SORL1: variants seen among roughly 807,000 people sequenced by gnomAD.
The protein encoded by SORL1 is sortilin-related receptor.
SORL1 carries 127 observed loss-of-function variants against 273.7 expected under a neutral mutation model. The ratio of observed to expected loss-of-function variants is 0.46; its 90% CI spans 0.40 to 0.54. SORL1 has a LOEUF of 0.54. Ranked by LOEUF, SORL1 falls within the 20% of genes least tolerant of loss-of-function variation. The pLI is 0.00. For synonymous variants in SORL1, 1,031 were observed against 1,067.4 expected, an observed-to-expected ratio of 0.97 and a Z score of 0.66; for missense variants, 2,494 against 2,846.1, an observed-to-expected ratio of 0.88 and a Z score of 2.81.
chr11:121,545,754 C>T (rs1227269446), intron 14 of SORL1, among the ~76,000 whole-genome samples: 2 of 152,096 alleles, frequency 1.3e-5, no homozygotes, highest in Non-Finnish European at 2.9e-5. Context: ...TAATCCTTCT[C>T]CTTAGGACCC....
At chr11:121,612,575 A>C (rs997160689) in intron 39 of SORL1, 161 bp from the exon 40 acceptor site, 1 of 543,790 alleles carries the variant, frequency 1.8e-6, no homozygotes, top group African/African-American at 1.9e-5. Context: ...ATGGTAGCAC[A>C]AGTAGAACCT....
chr11:121,625,058 T>C, intron 45 of SORL1, 27 bp from the exon 46 acceptor site: 1 of 1,548,556 alleles, frequency 6.5e-7, no homozygotes, highest in Non-Finnish European at 8.9e-7. Flanking sequence ...TTCGACTTCC[T>C]GAGCAATCTC....
At position 121,605,489 on chromosome 11, in the gene SORL1, G is replaced by C. The variant is rs183510875; in HGVS notation, c.4866G>C (p.Thr1622=). 9.9e-6 allele frequency: 16 copies of C among 1,614,084 alleles called. No homozygotes were observed. The East Asian group carries it at 3.3e-4, about 34-fold the overall frequency. The stretch of plus-strand genomic sequence containing the variant: ...TAAAAGTCTTGAAACCAGATACCAC[G>C]TATCAGGTTAAAGTACAGGTTCAGT... ...TVLKVLKPDT[T]YQVKVQVQCL... Residue 1622 remains threonine, a synonymous_variant, in exon 35 of 48, where the codon ACG becomes ACC. Transcript: ENST00000260197.
chr11:121,613,876 T>C (rs762637049), intron 40 of SORL1, among the ~76,000 whole-genome samples: 2 of 152,236 alleles, frequency 1.3e-5, no homozygotes. Flanking sequence ...TGAAATCTAT[T>C]AGGGCTAGTG....
At chr11:121,469,766 C>T (rs190147166) in intron 1 of SORL1, among the ~76,000 whole-genome samples, 103 of 152,254 alleles carry the variant, frequency 6.8e-4, no homozygotes, top group African/African-American at 2.4e-3. Flanking sequence ...CAATGAGAGC[C>T]CAAGAAGCTT....
chr11:121,620,498 C>T (rs1319517310), intron 43 of SORL1, among the ~76,000 whole-genome samples: 1 of 152,208 alleles, frequency 6.6e-6, no homozygotes, highest in African/African-American at 2.4e-5. Context: ...TCTCCACTCC[C>T]CTTCATCCAG....
At chr11:121,512,803 C>A (rs914154843) in intron 6 of SORL1, among the ~76,000 whole-genome samples, 200 bp from the exon 7 acceptor site, 3 of 152,186 alleles carry the variant, frequency 2.0e-5, no homozygotes, top group Non-Finnish European at 4.4e-5. Context: ...CTGTTGCAAA[C>A]CGGGTATCTA....
intron 30 of SORL1, 109 bp downstream of exon 30, chr11:121,590,283 T>G: frequency 8.3e-7 from 1 of 1,199,936 alleles, no homozygotes; most frequent in Non-Finnish European, 1.2e-6. Context: ...GGGGGCATAT[T>G]TTTGTGAGAG....
rs192494036 is a variant in SORL1 at position 121,521,482 on chromosome 11, C to G, written c.1404+633C>G. ...AATTAATGGTATCATTCAAATTCAG[C>G]TTTCTGTTTCCCTGACTAATCAGTT... On this transcript the variant is annotated intron_variant, in intron 9 of 47. Coordinates refer to ENST00000260197, the MANE Select transcript of SORL1 (RefSeq NM_003105.6). Among the ~76,000 whole-genome samples the G allele has an allele frequency of 3.6e-4, 55 of 152,284 alleles. 3 individuals carry two copies. In the East Asian group the frequency reaches 7.5e-3, roughly 21 times the overall value.
chr11:121,607,375 C>T, intron 37 of SORL1, 85 bp downstream of exon 37: 1 of 731,958 alleles, frequency 1.4e-6, no homozygotes, highest in South Asian at 1.6e-5. Context: ...TCTCTACTCA[C>T]CTTTGTGAGA....
At chr11:121,579,089 C>G (rs575079005) in intron 25 of SORL1, among the ~76,000 whole-genome samples, 2 of 152,244 alleles carry the variant, frequency 1.3e-5, no homozygotes, top group Admixed American at 1.3e-4. Context: ...ATTTCAGCAG[C>G]ATGTGCCGGT....
chr11:121,525,744 T>C (rs990858155), intron 11 of SORL1, among the ~76,000 whole-genome samples: 2 of 152,228 alleles, frequency 1.3e-5, no homozygotes, highest in Non-Finnish European at 2.9e-5. Flanking sequence ...CCCAAATCTT[T>C]TGCCTTTTTG....
At chr11:121,620,443 A>T (rs972901295) in intron 43 of SORL1, among the ~76,000 whole-genome samples, 1 of 152,074 alleles carries the variant, frequency 6.6e-6, no homozygotes, top group African/African-American at 2.4e-5. Context: ...AAACAAAAAA[A>T]CTGCCATTTT....
intron 30 of SORL1, 91 bp downstream of exon 30, chr11:121,590,265 G>T: frequency 1.5e-6 from 2 of 1,333,722 alleles, no homozygotes; most frequent in African/African-American, 3.0e-5. Flanking sequence ...GGCTGATTCC[G>T]TGTTTTGGGG....
rs368163179 is a variant in SORL1, at chr11:121,621,216, T to C, written c.6042T>C (p.Asp2014=). ...IIVQLGNMSK[D]SSIKITTVSL... ...TCCAACTGGGGAACATGAGCAAAGA[T>C]TCCAGCATAAAAATTACCACAGGTA... The change falls in exon 44 of 48, where the codon GAT becomes GAC. Residue 2014 remains aspartate (D), a synonymous_variant. Coordinates refer to ENST00000260197, the MANE Select transcript of SORL1 (RefSeq NM_003105.6). 3.7e-6 allele frequency: 6 copies of C among 1,613,952 alleles called. No individual in the cohort carries two copies. The highest frequency in any genetic ancestry group is 4.2e-6 in the Non-Finnish European group (5 of 1,179,968).
Position 121,522,697 on chromosome 11 carries a change from G to C in SORL1, c.1516G>C (p.Ala506Pro). The C allele has an allele frequency of 6.2e-7, 1 of 1,611,456 alleles. No homozygotes were observed. The highest frequency in any genetic ancestry group is 8.5e-7 in the Non-Finnish European group (1 of 1,177,588). Reference protein sequence around the residue: ...SKESAPGLIIATGSVGKNLAS... With the variant: ...SKESAPGLIIPTGSVGKNLAS... ...GGAGTCGGCTCCAGGCCTCATCATCGCCACTGGTAAGTGTGCTTGCCTGTT... is the reference window on the plus strand; with the variant it reads ...GGAGTCGGCTCCAGGCCTCATCATCCCCACTGGTAAGTGTGCTTGCCTGTT... The change falls in exon 10 of 48, where the codon GCC becomes CCC. Residue 506 changes from alanine (A) to proline (P), a missense_variant. Physicochemically the swap from Ala to Pro is conservative, Grantham distance 27. Coordinates refer to ENST00000260197, the MANE Select transcript of SORL1 (RefSeq NM_003105.6).
At chr11:121,590,825 G>C (rs1380844488) in intron 30 of SORL1, 176 bp from the exon 31 acceptor site, 2 of 783,800 alleles carry the variant, frequency 2.6e-6, no homozygotes, top group South Asian at 2.7e-5. Context: ...TGCCTCTTCT[G>C]ACAACCCATT....
intron 12 of SORL1, 72 bp downstream of exon 12, chr11:121,532,624 A>C: frequency 4.7e-6 from 6 of 1,272,114 alleles, no homozygotes; most frequent in Non-Finnish European, 6.8e-6. Context: ...TTATAATTGG[A>C]TTATCTCTCT....
At chr11:121,577,245 T>C (rs1197815120) in intron 24 of SORL1, 36 bp from the exon 25 acceptor site, 1 of 1,550,482 alleles carries the variant, frequency 6.4e-7, no homozygotes, top group Non-Finnish European at 8.7e-7. Flanking sequence ...GAACAAGCTT[T>C]TGTCCTCACC....
Sources: allele counts gnomAD v4.1 joint callset (sites outside exome capture counted in the v4.1 genomes callset), GRCh38; gene constraint gnomAD v4.1.1; transcripts MANE v1.5; gene names NCBI Gene and HGNC (gene_info 2026-07-23, HGNC 2026-07-21).